Variants in ZNF611 observed in about 807,000 individuals in gnomAD.
The protein encoded by ZNF611 is zinc finger protein 611.
ZNF611 carries 6 observed loss-of-function variants against 8.9 expected under a neutral mutation model. The ratio of observed to expected loss-of-function variants is 0.68; its 90% confidence interval spans 0.37 to 1.34. ZNF611 has a LOEUF of 1.34. ZNF611 is among the 40% of genes most tolerant of loss of function. The pLI is 0.02. For missense variants in ZNF611, 874 were observed against 841.3 expected, an observed-to-expected ratio of 1.04 and a Z score of -0.48; for synonymous variants, 262 against 279.7, an observed-to-expected ratio of 0.94 and a Z score of 0.63.
At position 52,706,042 on chromosome 19, in the gene ZNF611, G is replaced by A. The variant is rs761215854; in HGVS notation, c.1013C>T (p.Thr338Ile). 6.2e-7 allele frequency: 1 copy of A among 1,613,914 alleles called. No individual in the cohort carries two copies. Residue 338 changes from threonine (T) to isoleucine (I), a missense_variant, in exon 6 of 6, where the codon ACT (threonine) becomes ATT (isoleucine). Physicochemically the swap from Thr to Ile is moderately conservative, Grantham distance 89. Coordinates refer to ENST00000652185, the MANE Select transcript of ZNF611 (RefSeq NM_001161499.2). ...SALLIDKAID[T>I]GENPYKCNEC... is the part of the protein sequence containing the mutation. ...ATTACACTTGTAAGGATTTTCTCCA[G>A]TATCAATTGCCTTATCAATTAGAAG...
chr19:52,704,391 G>A lies in ZNF611; in HGVS notation c.*546C>T. On this transcript the variant is annotated 3_prime_UTR_variant, in exon 6 of 6. Transcript: ENST00000652185. ...CAGTATAGATTCTCTGATGTCTAAT[G>A]ACGTGTGAACGTGAAGCAAAGGCTT... 1.5e-6 allele frequency: 1 copy of A among 657,722 alleles called. No individual in the cohort carries two copies. The highest frequency in any genetic ancestry group is 2.9e-6 in the Non-Finnish European group (1 of 343,816). The allele number at this position is 657,722 out of a possible 1,614,324, so 40.7% of individuals were successfully genotyped here.
At chr19:52,722,879 C>T (rs1040183523) in intron 3 of ZNF611, among the ~76,000 whole-genome samples, 7 of 149,158 alleles carry the variant, frequency 4.7e-5, no homozygotes, top group Non-Finnish European at 1.0e-4. Context: ...TACAGGTGCA[C>T]ATTATCATGC....
chr19:52,716,048 A>G, intron 3 of ZNF611, 135 bp from the exon 4 acceptor site: 1 of 975,756 alleles, frequency 1.0e-6, no homozygotes, highest in Admixed American at 2.5e-5. Flanking sequence ...GATCATGCAG[A>G]GATAAGGAAG....
rs1445838673 is a variant in ZNF611, at chr19:52,705,020, T to C, written c.2035A>G (p.Lys679Glu). ...TRIHTAEKPY[K>E]CNECGKAFNQ... ...AAAGCCTTCCCACATTCATTACACT[T>C]GTAAGGTTTCTCTGCAGTGTGAATT... Residue 679 changes from lysine (K) to glutamate (E), a missense_variant, in exon 6 of 6, where the codon AAG (lysine) becomes GAG (glutamate). Physicochemically the swap from Lys to Glu is moderately conservative, Grantham distance 56. Coordinates refer to ENST00000652185, the MANE Select transcript of ZNF611 (RefSeq NM_001161499.2). The C allele has an allele frequency of 6.2e-7, 1 of 1,614,108 alleles. No individual in the cohort carries two copies. Among genetic ancestry groups the C allele is most frequent in the Non-Finnish European group, 8.5e-7 (1 of 1,180,044 alleles).
In ZNF611 at chr19:52,704,570, G is replaced by A. The variant is rs931709237; in HGVS notation, c.*367C>T. On this transcript the variant is annotated 3_prime_UTR_variant, in exon 6 of 6. Transcript: ENST00000652185. ...CACCGATGACCTGCAATATGTGAAC[G>A]ATCTCTGAAAAATTTGCCACATTTA... 1.1e-5 allele frequency: 17 copies of A among 1,488,702 alleles called. No individual in the cohort carries two copies. In the East Asian group the frequency reaches 2.3e-4, roughly 20 times the overall value. 92.2% of individuals were successfully genotyped at this position (1,488,702 alleles called of 1,614,324 possible).
chr19:52,715,107 A>C (rs901581117), intron 4 of ZNF611, among the ~76,000 whole-genome samples: 1 of 152,192 alleles, frequency 6.6e-6, no homozygotes, highest in African/African-American at 2.4e-5. Context: ...TCTCTAGATG[A>C]GCTAAGATAC....
At chr19:52,732,958 T>TATTAATGA (rs113965709) in intron 1 of ZNF611, among the ~76,000 whole-genome samples, 119 of 149,300 alleles carry the variant, frequency 8.0e-4, no homozygotes, top group Middle Eastern at 3.4e-3. Flanking sequence ...TGTCTCAAAA[T>TATTAATGA]ATTAATTAAT....
rs376884438 is a variant in ZNF611 at position 52,722,386 on chromosome 19, T to TATTA, written c.-20+6340_-20+6343dup. Among the ~76,000 whole-genome samples, 273 of 151,852 alleles carry TATTA rather than the reference T, an allele frequency of 1.8e-3. 1 individual carries two copies. The highest frequency in any genetic ancestry group is 3.3e-3 in the South Asian group (16 of 4,810). ...AATAGGGCCAGACCCTGTCTCAAAA[T>TATTA]ATTAATTAATTAATTAATTAATTAA... is the stretch of plus-strand genomic sequence containing the variant. On this transcript the variant is annotated intron_variant, in intron 3 of 5. Coordinates refer to ENST00000652185, the MANE Select transcript of ZNF611 (RefSeq NM_001161499.2).
chr19:52,723,159 T>A (rs2062370711), intron 3 of ZNF611, among the ~76,000 whole-genome samples: 1 of 151,858 alleles, frequency 6.6e-6, no homozygotes, highest in African/African-American at 2.4e-5. Flanking sequence ...GTGCTCCTTA[T>A]TTTGTACCTC....
At chr19:52,717,411 G>A (rs1232109878) in intron 3 of ZNF611, among the ~76,000 whole-genome samples, 2 of 152,164 alleles carry the variant, frequency 1.3e-5, no homozygotes, top group African/African-American at 4.8e-5. Context: ...GTCCTAGGCA[G>A]AGGGACAGCT....
rs776611086 is a variant in ZNF611, at chr19:52,705,021, G to C, written c.2034C>G (p.Tyr678Ter). ...AAGCCTTCCCACATTCATTACACTT[G>C]TAAGGTTTCTCTGCAGTGTGAATTC... ...HTRIHTAEKPYKCNECGKAFN... is the reference protein window; with the variant it reads ...HTRIHTAEKP The change falls in exon 6 of 6, where the codon TAC becomes TAG. Residue 678 changes from tyrosine (Y) to a stop codon, truncating the protein, a stop_gained. Transcript: ENST00000652185. LOFTEE classifies it low-confidence loss of function (END_TRUNC). 1 of 1,614,212 alleles carries C rather than the reference G, an allele frequency of 6.2e-7. No homozygotes were observed. Among genetic ancestry groups the C allele is most frequent in the African/African-American group, 1.3e-5 (1 of 75,060 alleles).
chr19:52,706,595 C>A lies in ZNF611; in HGVS notation c.460G>T (p.Asp154Tyr), dbSNP rs2062247012. Reference protein sequence around the residue: ...HRHAGNKPIKDQLGSSFYSHL... With the variant: ...HRHAGNKPIKYQLGSSFYSHL... The stretch of plus-strand genomic sequence containing the variant: ...GAATAAAAGCTTGATCCAAGCTGAT[C>A]TTTAATAGGCTTGTTTCCAGCATGC... The change falls in exon 6 of 6, where the codon GAT (aspartate) becomes TAT (tyrosine). Residue 154 changes from aspartate (D) to tyrosine (Y), a missense_variant. Transcript: ENST00000652185. The A allele has an allele frequency of 6.2e-7, 1 of 1,614,042 alleles. No homozygotes were observed. Among genetic ancestry groups the A allele is most frequent in the Non-Finnish European group, 8.5e-7 (1 of 1,180,028 alleles).
rs1380002326 is a variant in ZNF611, at chr19:52,704,103, G to C, written c.*834C>G. ...TGTGCCTTGGCCTCCCGACGTGCTG[G>C]GATTACAGGTCGGAGCCACCACACC... is the stretch of plus-strand genomic sequence containing the variant. On this transcript the variant is annotated 3_prime_UTR_variant, in exon 6 of 6. Transcript: ENST00000652185. The C allele has an allele frequency of 3.6e-6, 1 of 281,268 alleles. No individual in the cohort carries two copies. The highest frequency in any genetic ancestry group is 7.1e-6 in the Non-Finnish European group (1 of 141,420). The allele number at this position is 281,268 out of a possible 1,614,324, so 17.4% of individuals were successfully genotyped here.
chr19:52,724,108 G>C (rs916667591), intron 3 of ZNF611: 2 of 152,086 alleles, frequency 1.3e-5, no homozygotes, highest in Non-Finnish European at 2.9e-5. Flanking sequence ...TTCACTAACC[G>C]TCCTCAGCAC....
chr19:52,714,493 G>C (rs190584089), intron 4 of ZNF611, among the ~76,000 whole-genome samples: 4 of 151,820 alleles, frequency 2.6e-5, no homozygotes, highest in East Asian at 1.9e-4. Context: ...TTCGAGACCA[G>C]CCTGGCCAAT....
intron 1 of ZNF611, among the ~76,000 whole-genome samples, chr19:52,731,266 C>A (rs1016492060): frequency 6.6e-6 from 1 of 152,098 alleles, no homozygotes; most frequent in Admixed American, 6.5e-5. Context: ...AGGGTTTCAT[C>A]ATGTAGGCCA....
At chr19:52,728,524 G>A (rs773044709) in intron 3 of ZNF611, among the ~76,000 whole-genome samples, 7 of 152,072 alleles carry the variant, frequency 4.6e-5, no homozygotes, top group Non-Finnish European at 1.0e-4. Flanking sequence ...GGCAACAAGA[G>A]TGAAACTCCA....
chr19:52,703,832 C>G lies in ZNF611; in HGVS notation c.*1105G>C, dbSNP rs7256428. The G allele has an allele frequency of 0.2, 30,485 of 152,978 alleles. 3,794 individuals are homozygous for G. The highest frequency in any genetic ancestry group is 0.28 in the Non-Finnish European group (19,381 of 68,600). 9.5% of individuals were successfully genotyped at this position (152,978 alleles called of 1,614,324 possible). ...AGTCTCGATCTCCTGACCCCGTGAT[C>G]TGCCTGCCTCGGCCTCCCAAAGTGC... On this transcript the variant is annotated 3_prime_UTR_variant, in exon 6 of 6. Coordinates refer to ENST00000652185, the MANE Select transcript of ZNF611 (RefSeq NM_001161499.2).
chr19:52,721,689 G>GA (rs1434597227), intron 3 of ZNF611, among the ~76,000 whole-genome samples: 7 of 151,548 alleles, frequency 4.6e-5, no homozygotes, highest in African/African-American at 1.7e-4. Flanking sequence ...AAGGGAGAGA[G>GA]GGAGGGAGAG....
Sources: gnomAD v4.1 joint callset for allele counts (sites outside exome capture counted in the v4.1 genomes callset) on GRCh38, gnomAD v4.1.1 for gene constraint, MANE v1.5 for transcripts, NCBI Gene and HGNC (gene_info 2026-07-23, HGNC 2026-07-21) for gene names.